Variants in PLD1 observed in about 807,000 individuals in gnomAD.
PLD1 encodes the protein choline phosphatase 1.
In PLD1, 112 loss-of-function variants were observed where a neutral mutation model predicts 137.1. The ratio of observed to expected loss-of-function variants is 0.82; its 90% CI spans 0.70 to 0.96. The LOEUF (loss-of-function observed/expected upper bound fraction) is 0.96, where lower values mean the gene tolerates loss of function less well. Among genes scored for constraint, PLD1 ranks in the 40% least tolerant of loss-of-function variants. The pLI, the probability that PLD1 is intolerant of heterozygous loss-of-function variation, is 0.00. For missense variants in PLD1, 1,321 were observed against 1,342.0 expected, an observed-to-expected ratio of 0.98 and a Z score of 0.24; for synonymous variants, 431 against 454.7, an observed-to-expected ratio of 0.95 and a Z score of 0.66.
At chr3:171,675,595 T>C (rs1421200004) in intron 18 of PLD1, among the ~76,000 whole-genome samples, 1 of 152,182 alleles carries the variant, frequency 6.6e-6, no homozygotes, top group Admixed American at 6.5e-5. Flanking sequence ...GAGACTTTTA[T>C]CTTTGCCAGT....
At chr3:171,747,663 TAA>T (rs1237726235) in intron 1 of PLD1, among the ~76,000 whole-genome samples, 1 of 152,180 alleles carries the variant, frequency 6.6e-6, no homozygotes, top group African/African-American at 2.4e-5. Flanking sequence ...AATTTAACAG[TAA>T]TTTTTAAAAA....
At chr3:171,688,640 G>T (rs775856999) in intron 14 of PLD1, 36 bp downstream of exon 14, 1 of 1,427,732 alleles carries the variant, frequency 7.0e-7, no homozygotes, top group Admixed American at 1.7e-5. Flanking sequence ...AATTATGTTC[G>T]TGTTATACAT....
intron 21 of PLD1, among the ~76,000 whole-genome samples, chr3:171,652,468 T>C (rs1333462791): frequency 2.6e-5 from 4 of 151,922 alleles, no homozygotes; most frequent in Non-Finnish European, 4.4e-5. Context: ...ACAAGGCTTC[T>C]GAAACAAGCC....
Position 171,601,937 on chromosome 3 carries a change from G to C in PLD1, c.*1141C>G, listed in dbSNP as rs1434530131. On this transcript the variant is annotated 3_prime_UTR_variant, in exon 27 of 27. Coordinates refer to ENST00000351298, the MANE Select transcript of PLD1 (RefSeq NM_002662.5). Reference sequence around the variant, plus strand: ...ACTTCACTGGAAGCCCTGGTGAGAGGCGTTAATACATATTTAATAATGTAA... The same window carrying C: ...ACTTCACTGGAAGCCCTGGTGAGAGCCGTTAATACATATTTAATAATGTAA... 1 of 152,136 alleles carries C rather than the reference G, an allele frequency of 6.6e-6. No homozygotes were observed. The highest frequency in any genetic ancestry group is 1.5e-5 in the Non-Finnish European group (1 of 68,018). The allele number at this position is 152,136 out of a possible 1,614,324, so 9.4% of individuals were successfully genotyped here.
At chr3:171,642,502 T>C (rs1430524006) in intron 23 of PLD1, among the ~76,000 whole-genome samples, 2 of 148,974 alleles carry the variant, frequency 1.3e-5, no homozygotes, top group Non-Finnish European at 3.0e-5. Flanking sequence ...AAAGTGTCTT[T>C]GAAAAGTATA....
intron 1 of PLD1, among the ~76,000 whole-genome samples, chr3:171,739,058 C>T (rs1454345798): frequency 6.6e-6 from 1 of 152,110 alleles, no homozygotes; most frequent in African/African-American, 2.4e-5. Flanking sequence ...TGAATGAAAA[C>T]GTGAAGGTGA....
chr3:171,638,261 G>T (rs11917857), intron 23 of PLD1, among the ~76,000 whole-genome samples: 35,507 of 151,448 alleles, frequency 0.23, 4,451 homozygotes, highest in Admixed American at 0.3. Flanking sequence ...GGTGTGAGTG[G>T]TGAATAAATG....
At chr3:171,736,525 A>G (rs933701992) in intron 3 of PLD1, among the ~76,000 whole-genome samples, 2 of 152,208 alleles carry the variant, frequency 1.3e-5, no homozygotes, top group African/African-American at 4.8e-5. Flanking sequence ...TCAGGGAGAC[A>G]TGGACCCGAG....
chr3:171,788,545 A>C (rs2108348556), intron 1 of PLD1: 1 of 152,330 alleles, frequency 6.6e-6, no homozygotes, highest in South Asian at 2.1e-4. Flanking sequence ...CCCAAATAAA[A>C]ACTCAAGCCA....
At chr3:171,648,746 G>T (rs1432774337) in intron 21 of PLD1, among the ~76,000 whole-genome samples, 1 of 152,022 alleles carries the variant, frequency 6.6e-6, no homozygotes, top group African/African-American at 2.4e-5. Flanking sequence ...AGCAGAGACG[G>T]GGTTTCACCG....
chr3:171,618,702 C>T (rs1035035038), intron 24 of PLD1, among the ~76,000 whole-genome samples: 2 of 148,070 alleles, frequency 1.4e-5, no homozygotes, highest in Non-Finnish European at 3.0e-5. Flanking sequence ...ATGTGCTATA[C>T]AAATATTAAA....
chr3:171,673,473 G>T (rs907141826), intron 19 of PLD1, among the ~76,000 whole-genome samples: 1 of 151,968 alleles, frequency 6.6e-6, no homozygotes, highest in Non-Finnish European at 1.5e-5. Flanking sequence ...TAGAGACAGG[G>T]TTGGCCAGGC....
intron 1 of PLD1, 52 bp from the exon 2 acceptor site, chr3:171,738,134 T>C (rs1719516100): frequency 9.1e-7 from 1 of 1,096,540 alleles, no homozygotes; most frequent in African/African-American, 1.6e-5. Context: ...TAACATAAAA[T>C]GCTATTCCAC....
Position 171,724,702 on chromosome 3 carries a change from G to T in PLD1, c.752C>A (p.Ser251Ter). Residue 251 changes from serine (S) to a stop codon, truncating the protein, a stop_gained, in exon 8 of 27, where the codon TCA becomes TAA. Transcript: ENST00000351298. LOFTEE classifies it high-confidence loss of function. The stretch of plus-strand genomic sequence containing the variant: ...AAAACTCACTAATTCCTACCTTTTT[G>T]ACCATCTGTAGCAGGCTCTTCCCTG... ...CGQGRACYRW[S>*]KRWLIVKDSF... The T allele has an allele frequency of 6.3e-7, 1 of 1,594,152 alleles. No homozygotes were observed. Among genetic ancestry groups the T allele is most frequent in the South Asian group, 1.1e-5 (1 of 90,682 alleles).
At chr3:171,640,021 A>C (rs1489872505) in intron 23 of PLD1, among the ~76,000 whole-genome samples, 4 of 151,376 alleles carry the variant, frequency 2.6e-5, no homozygotes. Flanking sequence ...GTCCCCTCTT[A>C]GTTTCTGATT....
intron 1 of PLD1, among the ~76,000 whole-genome samples, chr3:171,752,942 T>C (rs1406517448): frequency 6.6e-6 from 1 of 152,178 alleles, no homozygotes; most frequent in Non-Finnish European, 1.5e-5. Flanking sequence ...TGGTCCAACC[T>C]CTTCAATGCA....
At chr3:171,694,142 G>A (rs1327234400) in intron 12 of PLD1, among the ~76,000 whole-genome samples, 1 of 151,890 alleles carries the variant, frequency 6.6e-6, no homozygotes, top group African/African-American at 2.4e-5. Flanking sequence ...ATATCTTAAA[G>A]GTGTATGTAT....
chr3:171,601,153 A>G lies in PLD1; in HGVS notation c.*1925T>C, dbSNP rs1731807008. ...TGCTAGTCCCAGCTCTACCATCTAC[A>G]CATTGAGTGGATTTAAGTGAGTTCT... is the stretch of plus-strand genomic sequence containing the variant. On this transcript the variant is annotated 3_prime_UTR_variant, in exon 27 of 27. Coordinates refer to ENST00000351298, the MANE Select transcript of PLD1 (RefSeq NM_002662.5). 6.6e-6 allele frequency: 1 copy of G among 152,212 alleles called. No individual in the cohort carries two copies. The highest frequency in any genetic ancestry group is 6.5e-5 in the Admixed American group (1 of 15,286). 9.4% of individuals were successfully genotyped at this position (152,212 alleles called of 1,614,324 possible).
In PLD1 at chr3:171,704,991, G is replaced by A. The variant is rs189759691; in HGVS notation, c.1145+3764C>T. 1.4e-4 allele frequency among the ~76,000 whole-genome samples: 22 copies of A among 152,210 alleles called. No individual in the cohort carries two copies. The East Asian group carries it at 4.1e-3, about 28-fold the overall frequency. On this transcript the variant is annotated intron_variant, in intron 11 of 26. Coordinates refer to ENST00000351298, the MANE Select transcript of PLD1 (RefSeq NM_002662.5). ...TGTTCCCACGAGAATCTAATGCCACGGCTGATCTGACAGGAGGCGGAGCTC... is the reference window on the plus strand; with the variant it reads ...TGTTCCCACGAGAATCTAATGCCACAGCTGATCTGACAGGAGGCGGAGCTC...
Sources: allele counts gnomAD v4.1 joint callset (sites outside exome capture counted in the v4.1 genomes callset), GRCh38; gene constraint gnomAD v4.1.1; transcripts MANE v1.5; gene names NCBI Gene and HGNC (gene_info 2026-07-23, HGNC 2026-07-21).